The following ZFAND3 variants were observed in gnomAD, a reference collection of about 807,000 sequenced individuals.
ZFAND3 encodes AN1-type zinc finger protein 3.
A neutral mutation model predicts 29.6 loss-of-function variants in ZFAND3; 10 were observed. The observed-to-expected ratio is 0.34, with a 90% CI of 0.21 to 0.57. The LOEUF (loss-of-function observed/expected upper bound fraction) is 0.57. Among genes scored for constraint, ZFAND3 ranks in the 20% least tolerant of loss-of-function variants. The pLI is 0.86. For synonymous variants in ZFAND3, 128 were observed against 112.6 expected (o/e 1.14, Z -0.87); for missense variants, 230 against 304.5 (o/e 0.76, Z 1.82).
At chr6:37,825,003 T>TA in intron 1 of ZFAND3, among the ~76,000 whole-genome samples, 2 of 152,366 alleles carry the variant, frequency 1.3e-5, no homozygotes, top group East Asian at 3.9e-4. Context: ...AATCATAAGA[T>TA]ACTGACTAGT....
intron 2 of ZFAND3, among the ~76,000 whole-genome samples, chr6:37,980,859 T>A (rs1296937093): frequency 1.3e-5 from 2 of 152,086 alleles, no homozygotes; most frequent in South Asian, 2.1e-4. Flanking sequence ...GATTAAAACA[T>A]AAAGGAAAAA....
chr6:37,833,138 G>T (rs969606671), intron 1 of ZFAND3: 1 of 152,128 alleles, frequency 6.6e-6, no homozygotes, highest in Non-Finnish European at 1.5e-5. Flanking sequence ...CAGAACTCCT[G>T]GGCTCAAGCA....
intron 2 of ZFAND3, among the ~76,000 whole-genome samples, chr6:38,038,407 G>A (rs1763700322): frequency 6.6e-6 from 1 of 152,104 alleles, no homozygotes; most frequent in Non-Finnish European, 1.5e-5. Flanking sequence ...ATTTCATACA[G>A]ATATTTAAAA....
At chr6:38,097,441 G>C (rs949529064) in intron 4 of ZFAND3, among the ~76,000 whole-genome samples, 5 of 152,098 alleles carry the variant, frequency 3.3e-5, no homozygotes, top group Non-Finnish European at 7.4e-5. Flanking sequence ...ACTGGGGGCT[G>C]TGTGTGGGAA....
chr6:38,110,743 G>A (rs912610157), intron 4 of ZFAND3, among the ~76,000 whole-genome samples: 1 of 152,210 alleles, frequency 6.6e-6, no homozygotes, highest in African/African-American at 2.4e-5. Context: ...CGGTGTGGGT[G>A]AAGGGAATAG....
chr6:37,860,642 T>TC, intron 1 of ZFAND3, among the ~76,000 whole-genome samples: 1 of 142,470 alleles, frequency 7.0e-6, no homozygotes, highest in Non-Finnish European at 1.5e-5. Context: ...ACTTAGTTTT[T>TC]TTTTTTTTTT....
At chr6:37,862,099 G>C (rs541568064) in intron 1 of ZFAND3, among the ~76,000 whole-genome samples, 1 of 149,006 alleles carries the variant, frequency 6.7e-6, no homozygotes, top group South Asian at 2.1e-4. Flanking sequence ...GTTATGTTTT[G>C]ATTTCTGTTT....
chr6:38,059,563 G>A (rs942221502), intron 2 of ZFAND3, among the ~76,000 whole-genome samples: 15 of 152,116 alleles, frequency 9.9e-5, no homozygotes, highest in South Asian at 4.2e-4. Context: ...TCTGAATTAC[G>A]CTAATATTCA....
intron 3 of ZFAND3, among the ~76,000 whole-genome samples, chr6:38,072,093 C>G (rs1764465391): frequency 1.3e-5 from 2 of 152,040 alleles, no homozygotes; most frequent in African/African-American, 2.4e-5. Context: ...GTGGTGGTAA[C>G]AATTCATCTC....
intron 2 of ZFAND3, among the ~76,000 whole-genome samples, chr6:38,026,593 C>A (rs968773120): frequency 1.3e-5 from 2 of 151,906 alleles, no homozygotes; most frequent in Non-Finnish European, 2.9e-5. Flanking sequence ...CCATGCCCCA[C>A]TAATTTTTTG....
rs111379749 is a variant in ZFAND3, at chr6:37,981,002, G to A, written c.112+51003G>A. On this transcript the variant is annotated intron_variant, in intron 2 of 5. Transcript: ENST00000287218. ...TCTATTTGTTCTTGTGCACAAAAAA[G>A]CACAATTGGAATATACTTCTGAGGG... 1.4e-3 allele frequency among the ~76,000 whole-genome samples: 219 copies of A among 152,268 alleles called. 2 individuals are homozygous for A. The highest frequency in any genetic ancestry group is 4.4e-3 in the African/African-American group (182 of 41,558).
intron 1 of ZFAND3, among the ~76,000 whole-genome samples, chr6:37,877,997 G>C (rs1231409236): frequency 1.3e-5 from 2 of 152,228 alleles, no homozygotes; most frequent in Admixed American, 6.5e-5. Context: ...AACAACAGCT[G>C]TATCAGTCCA....
intron 1 of ZFAND3, among the ~76,000 whole-genome samples, chr6:37,870,292 CAAAAAAAAAAAA>C (rs1174577231): frequency 9.0e-5 from 3 of 33,488 alleles, no homozygotes; most frequent in East Asian, 8.3e-4. Context: ...GAGACTGTCT[CAAAAAAAAAAAA>C]AAAAAAAAAA....
intron 1 of ZFAND3, among the ~76,000 whole-genome samples, chr6:37,883,450 G>GTTGCTGTTGCATAGAGAACATTTATC (rs1159476118): frequency 1.4e-5 from 2 of 147,100 alleles, no homozygotes; most frequent in African/African-American, 5.4e-5. Context: ...AAAGTACCCA[G>GTTGCTGTTGCATAGAGAACATTTATC]ACTACAAATG....
At chr6:37,998,733 G>A (rs1009420414) in intron 2 of ZFAND3, among the ~76,000 whole-genome samples, 1 of 152,144 alleles carries the variant, frequency 6.6e-6, no homozygotes, top group Non-Finnish European at 1.5e-5. Context: ...TAAATGGATG[G>A]TGGAAGCCAG....
At chr6:37,910,721 C>T (rs1765504999) in intron 1 of ZFAND3, among the ~76,000 whole-genome samples, 1 of 152,016 alleles carries the variant, frequency 6.6e-6, no homozygotes, top group Non-Finnish European at 1.5e-5. Context: ...TGAACATATC[C>T]CCAACCCCCC....
At chr6:38,085,461 C>T (rs961770079) in intron 4 of ZFAND3, among the ~76,000 whole-genome samples, 1 of 152,152 alleles carries the variant, frequency 6.6e-6, no homozygotes, top group Non-Finnish European at 1.5e-5. Flanking sequence ...TTAAGTCAGC[C>T]GTCTCTGACA....
At chr6:38,083,571 CTTGAAAACATTCAGTGTCCT>C (rs1764704649) in intron 4 of ZFAND3, among the ~76,000 whole-genome samples, 1 of 152,160 alleles carries the variant, frequency 6.6e-6, no homozygotes, top group African/African-American at 2.4e-5. Context: ...CAGCCAGAAG[CTTGAAAACATTCAGTGTCCT>C]TTGATTTGAG....
At chr6:37,881,488 C>T (rs1362271461) in intron 1 of ZFAND3, among the ~76,000 whole-genome samples, 1 of 152,136 alleles carries the variant, frequency 6.6e-6, no homozygotes, top group Non-Finnish European at 1.5e-5. Flanking sequence ...TGTCTTTCTG[C>T]TTAGGCCAGC....
Sources: allele counts gnomAD v4.1 joint callset (sites outside exome capture counted in the v4.1 genomes callset), GRCh38; gene constraint gnomAD v4.1.1; transcripts MANE v1.5; gene names NCBI Gene and HGNC (gene_info 2026-07-23, HGNC 2026-07-21).